FGD5: variants seen among roughly 807,000 people sequenced by gnomAD.
FGD5 encodes the protein FYVE, RhoGEF and PH domain-containing protein 5.
A neutral mutation model predicts 133.4 loss-of-function variants in FGD5; 28 were observed. The observed-to-expected ratio is 0.21, with a 90% CI of 0.16 to 0.29. The LOEUF is 0.29. Ranked by LOEUF, FGD5 falls within the 10% of genes least tolerant of loss-of-function variation. The probability of loss-of-function intolerance (pLI) is 1.00; values close to 1 mark genes in which losing one functional copy is unlikely to be tolerated. For synonymous variants in FGD5, 810 were observed against 776.5 expected (o/e 1.04, Z -0.72); for missense variants, 1,858 against 1,895.2 (o/e 0.98, Z 0.36).
At chr3:14,840,013 G>T (rs1459846938) in intron 1 of FGD5, among the ~76,000 whole-genome samples, 1 of 152,110 alleles carries the variant, frequency 6.6e-6, no homozygotes, top group Non-Finnish European at 1.5e-5. Context: ...AGATCTGCAG[G>T]GAAAAATCAA....
chr3:14,875,297 C>A (rs1284424658), intron 2 of FGD5, among the ~76,000 whole-genome samples: 1 of 151,248 alleles, frequency 6.6e-6, no homozygotes, highest in African/African-American at 2.4e-5. Context: ...GTGGCCCCTT[C>A]CTTGTGTGTG....
rs138462639 is a variant in FGD5, at chr3:14,870,164, G to A, written c.2658+5904G>A. Reference sequence around the variant, plus strand: ...GAGCCCGAATGGCATGAGGGAGCCCGCACTGTGAAGCCCTAGGGCAGAGCC... The same window carrying A: ...GAGCCCGAATGGCATGAGGGAGCCCACACTGTGAAGCCCTAGGGCAGAGCC... On this transcript the variant is annotated intron_variant, in intron 2 of 19. Coordinates refer to ENST00000285046, the MANE Select transcript of FGD5 (RefSeq NM_152536.4). Among the ~76,000 whole-genome samples the A allele has an allele frequency of 5.0e-4, 73 of 146,900 alleles. 1 individual carries two copies. The East Asian group carries it at 0.013, about 27-fold the overall frequency.
chr3:14,830,414 G>A (rs1259797166), intron 1 of FGD5, among the ~76,000 whole-genome samples: 1 of 152,130 alleles, frequency 6.6e-6, no homozygotes, highest in Non-Finnish European at 1.5e-5. Flanking sequence ...AATCGTGTCA[G>A]GAACGCACTC....
At chr3:14,880,111 C>T (rs574061231) in intron 2 of FGD5, among the ~76,000 whole-genome samples, 7 of 152,120 alleles carry the variant, frequency 4.6e-5, no homozygotes, top group African/African-American at 1.7e-4. Context: ...CTTTGGGAGG[C>T]CAAGGTGAGC....
chr3:14,878,161 GA>G (rs1230058260), intron 2 of FGD5, among the ~76,000 whole-genome samples: 3 of 152,210 alleles, frequency 2.0e-5, no homozygotes, highest in Non-Finnish European at 4.4e-5. Context: ...CAGAGGCCCT[GA>G]GTCAGGAAGG....
chr3:14,847,731 G>GCTCAGCT (rs1381602360), intron 1 of FGD5, among the ~76,000 whole-genome samples: 4 of 152,212 alleles, frequency 2.6e-5, no homozygotes, highest in Non-Finnish European at 5.9e-5. Context: ...AGGCAGGCTG[G>GCTCAGCT]CTGGAGACTG....
chr3:14,874,800 C>A (rs940241149), intron 2 of FGD5, among the ~76,000 whole-genome samples: 2 of 152,182 alleles, frequency 1.3e-5, no homozygotes, highest in Non-Finnish European at 2.9e-5. Context: ...AATTAAAGGT[C>A]TTTTAAGTAG....
At chr3:14,904,140 G>C (rs2038293481) in intron 9 of FGD5, among the ~76,000 whole-genome samples, 1 of 152,214 alleles carries the variant, frequency 6.6e-6, no homozygotes, top group Admixed American at 6.5e-5. Flanking sequence ...GAAGTCACCT[G>C]GTGGCAGGTT....
intron 1 of FGD5, among the ~76,000 whole-genome samples, chr3:14,841,300 G>A (rs751475831): frequency 2.0e-5 from 3 of 152,244 alleles, no homozygotes; most frequent in Non-Finnish European, 2.9e-5. Flanking sequence ...ATTAAGACAA[G>A]TGAAGACAGA....
At chr3:14,930,335 C>T (rs1020657310) in intron 18 of FGD5, among the ~76,000 whole-genome samples, 6 of 152,140 alleles carry the variant, frequency 3.9e-5, no homozygotes, top group Non-Finnish European at 8.8e-5. Flanking sequence ...AAGGTGCCTA[C>T]GCCTGTACTC....
At chr3:14,831,016 G>T (rs988114958) in intron 1 of FGD5, among the ~76,000 whole-genome samples, 2 of 152,240 alleles carry the variant, frequency 1.3e-5, no homozygotes, top group African/African-American at 2.4e-5. Context: ...ACTTTAGACA[G>T]GGTGATCAGG....
intron 12 of FGD5, 45 bp from the exon 13 acceptor site, chr3:14,918,709 C>G (rs756515039): frequency 6.3e-7 from 1 of 1,582,780 alleles, no homozygotes; most frequent in Non-Finnish European, 8.7e-7. Flanking sequence ...TCTACACTTG[C>G]CCCTCCCTGC....
At chr3:14,925,925 ACTGGATAGATC>A in intron 17 of FGD5, 134 bp from the exon 18 acceptor site, 4 of 1,069,230 alleles carry the variant, frequency 3.7e-6, no homozygotes, top group Non-Finnish European at 5.2e-6. Flanking sequence ...TGACTTTGGT[ACTGGATAGATC>A]CTGAGACCTT....
intron 1 of FGD5, among the ~76,000 whole-genome samples, chr3:14,827,232 C>G (rs1167417202): frequency 6.6e-6 from 1 of 151,734 alleles, no homozygotes; most frequent in African/African-American, 2.4e-5. Context: ...AATGCTGTTT[C>G]CACTACTACC....
Position 14,923,181 on chromosome 3 carries a change from C to G in FGD5, c.3937+6C>G. ...TGTCCCGGGCCTGATGAGAGGTAAC[C>G]TGGGGACCACTTGCCTTCTTCCAAG... On this transcript the variant is annotated splice_donor_region_variant and intron_variant, in intron 16 of 19. Coordinates refer to ENST00000285046, the MANE Select transcript of FGD5 (RefSeq NM_152536.4). The G allele has an allele frequency of 6.2e-7, 1 of 1,610,636 alleles. No individual in the cohort carries two copies. The highest frequency in any genetic ancestry group is 1.1e-5 in the South Asian group (1 of 90,680).
intron 1 of FGD5, among the ~76,000 whole-genome samples, chr3:14,844,680 A>T (rs1321972879): frequency 6.6e-6 from 1 of 152,146 alleles, no homozygotes; most frequent in Non-Finnish European, 1.5e-5. Flanking sequence ...ACTTTGGGCT[A>T]GTCACTTCAT....
intron 10 of FGD5, among the ~76,000 whole-genome samples, chr3:14,910,189 A>G (rs1169378326): frequency 6.6e-6 from 1 of 152,242 alleles, no homozygotes; most frequent in Non-Finnish European, 1.5e-5. Flanking sequence ...ATGATGCAGA[A>G]TGTAATACAG....
chr3:14,812,036 A>G (rs57570947), intron 1 of FGD5, among the ~76,000 whole-genome samples: 41,913 of 147,450 alleles, frequency 0.28, 6,287 homozygotes, highest in African/African-American at 0.36. Flanking sequence ...GTGTGTATGT[A>G]TGTGTGTGTG....
At chr3:14,904,785 T>C (rs1337071273) in intron 9 of FGD5, among the ~76,000 whole-genome samples, 2 of 152,188 alleles carry the variant, frequency 1.3e-5, no homozygotes, top group Non-Finnish European at 2.9e-5. Context: ...TCTGTAGATA[T>C]TTCCATACAT....
Sources: gnomAD v4.1 joint callset for allele counts (sites outside exome capture counted in the v4.1 genomes callset) on GRCh38, gnomAD v4.1.1 for gene constraint, MANE v1.5 for transcripts, NCBI Gene and HGNC (gene_info 2026-07-23, HGNC 2026-07-21) for gene names.